ADK: variants seen among roughly 807,000 people sequenced by gnomAD.
ADK encodes adenosine kinase.
A neutral mutation model predicts 44.7 loss-of-function variants in ADK; 24 were observed. The ratio of observed to expected loss-of-function variants is 0.54; its 90% CI spans 0.39 to 0.76. The LOEUF is 0.76. ADK is among the 30% of genes least tolerant of loss of function. The pLI is 0.00. For synonymous variants in ADK, 128 were observed against 142.6 expected (o/e 0.90, Z 0.73); for missense variants, 321 against 425.1 (o/e 0.76, Z 2.15).
At chr10:74,498,320 A>G (rs989976255) in intron 6 of ADK, among the ~76,000 whole-genome samples, 2 of 152,238 alleles carry the variant, frequency 1.3e-5, no homozygotes, top group Non-Finnish European at 2.9e-5. Flanking sequence ...GGTTTCCATG[A>G]TAAATTGTTT....
intron 4 of ADK, among the ~76,000 whole-genome samples, chr10:74,347,454 C>T (rs1025709706): frequency 3.3e-5 from 5 of 152,114 alleles, no homozygotes; most frequent in African/African-American, 1.2e-4. Flanking sequence ...GTGCCTACAC[C>T]ACCAGGGCCT....
At chr10:74,361,080 G>A (rs1262845928) in intron 4 of ADK, among the ~76,000 whole-genome samples, 3 of 152,036 alleles carry the variant, frequency 2.0e-5, no homozygotes, top group East Asian at 3.9e-4. Flanking sequence ...GCTAATTTTT[G>A]TATTTTTAGT....
At chr10:74,425,789 C>G (rs1844774131) in intron 6 of ADK, among the ~76,000 whole-genome samples, 1 of 152,094 alleles carries the variant, frequency 6.6e-6, no homozygotes, top group Non-Finnish European at 1.5e-5. Context: ...TTTGAGTATT[C>G]TGTGTCAACT....
chr10:74,669,121 C>T lies in ADK; in HGVS notation c.878-1062C>T, dbSNP rs535644366. Among the ~76,000 whole-genome samples the T allele has an allele frequency of 3.9e-5, 6 of 152,110 alleles. No homozygotes were observed. The East Asian group carries it at 9.7e-4, about 24-fold the overall frequency. On this transcript the variant is annotated intron_variant, in intron 9 of 10. Coordinates refer to ENST00000539909, the MANE Select transcript of ADK (RefSeq NM_006721.4). ...ATCAGTCATTCCAGGAGAGTATTTT[C>T]ATTAACATATTTATGTCTCTTGTTG...
At chr10:74,568,496 A>C (rs1023130462) in intron 7 of ADK, among the ~76,000 whole-genome samples, 1 of 152,170 alleles carries the variant, frequency 6.6e-6, no homozygotes, top group Non-Finnish European at 1.5e-5. Context: ...AAGTTCTTGG[A>C]TCTTGCACAA....
intron 2 of ADK, among the ~76,000 whole-genome samples, chr10:74,202,475 C>A (rs1843430954): frequency 6.6e-6 from 1 of 152,140 alleles, no homozygotes; most frequent in African/African-American, 2.4e-5. Context: ...CTTGGGTATA[C>A]ACATAGGAGT....
intron 4 of ADK, among the ~76,000 whole-genome samples, chr10:74,344,324 G>T (rs1340523920): frequency 6.6e-6 from 1 of 152,050 alleles, no homozygotes; most frequent in East Asian, 1.9e-4. Flanking sequence ...GAATCTTAAG[G>T]CCTCAACAAA....
At chr10:74,646,454 T>C (rs1374963262) in intron 9 of ADK, among the ~76,000 whole-genome samples, 1 of 152,182 alleles carries the variant, frequency 6.6e-6, no homozygotes, top group Non-Finnish European at 1.5e-5. Flanking sequence ...TTGAGCTGAA[T>C]TAAAACAGGA....
At chr10:74,574,715 A>C (rs1247598863) in intron 7 of ADK, among the ~76,000 whole-genome samples, 1 of 152,246 alleles carries the variant, frequency 6.6e-6, no homozygotes, top group Non-Finnish European at 1.5e-5. Context: ...CAACTGCAGG[A>C]ATGGCACAAA....
At chr10:74,215,936 G>A (rs980597949) in intron 2 of ADK, among the ~76,000 whole-genome samples, 3 of 152,036 alleles carry the variant, frequency 2.0e-5, no homozygotes, top group African/African-American at 4.8e-5. Flanking sequence ...GATTACAGGC[G>A]TGAGCCACCG....
chr10:74,702,424 C>T (rs1856455817), intron 10 of ADK, among the ~76,000 whole-genome samples: 1 of 149,902 alleles, frequency 6.7e-6, no homozygotes, highest in African/African-American at 2.5e-5. Context: ...CCTTGTGATC[C>T]GCCCCCCTCG....
intron 2 of ADK, among the ~76,000 whole-genome samples, chr10:74,215,790 C>G (rs1843990579): frequency 6.6e-6 from 1 of 150,928 alleles, no homozygotes; most frequent in Non-Finnish European, 1.5e-5. Context: ...CTCAGCCTCC[C>G]AAGCAGCTGG....
intron 10 of ADK, among the ~76,000 whole-genome samples, chr10:74,699,983 A>G (rs760241428): frequency 1.3e-5 from 2 of 152,190 alleles, no homozygotes; most frequent in African/African-American, 2.4e-5. Context: ...TAATAAAACT[A>G]TGTATGCATA....
chr10:74,595,176 CAA>C (rs781407492), intron 8 of ADK, among the ~76,000 whole-genome samples: 7 of 29,604 alleles, frequency 2.4e-4, no homozygotes, highest in East Asian at 1.2e-3. Flanking sequence ...AACTCCATCT[CAA>C]AAAAAAAAAA....
intron 6 of ADK, among the ~76,000 whole-genome samples, chr10:74,443,295 G>C (rs552598009): frequency 2.0e-5 from 3 of 152,078 alleles, no homozygotes; most frequent in Admixed American, 2.0e-4. Flanking sequence ...TGTAATTTTT[G>C]TCAGTTATAA....
chr10:74,164,689 A>T (rs1267860334), intron 1 of ADK, among the ~76,000 whole-genome samples: 2 of 152,148 alleles, frequency 1.3e-5, no homozygotes, highest in Non-Finnish European at 2.9e-5. Context: ...TTATACTCGT[A>T]GATTCTTATC....
At chr10:74,218,440 ACT>A (rs1198068378) in intron 2 of ADK, among the ~76,000 whole-genome samples, 1 of 152,214 alleles carries the variant, frequency 6.6e-6, no homozygotes, top group African/African-American at 2.4e-5. Flanking sequence ...GTTGGAAAAC[ACT>A]CTGCAGGATA....
At chr10:74,171,767 C>T (rs962956642) in intron 1 of ADK, among the ~76,000 whole-genome samples, 1 of 151,444 alleles carries the variant, frequency 6.6e-6, no homozygotes, top group East Asian at 2.0e-4. Flanking sequence ...ACTCAGTACT[C>T]TCTCTCTCAG....
chr10:74,259,592 G>A (rs919067888), intron 3 of ADK, among the ~76,000 whole-genome samples: 4 of 151,674 alleles, frequency 2.6e-5, no homozygotes, highest in African/African-American at 9.7e-5. Flanking sequence ...AAGTAGCTGG[G>A]ACTACAGGCA....
Sources: gnomAD v4.1 joint callset for allele counts (sites outside exome capture counted in the v4.1 genomes callset) on GRCh38, gnomAD v4.1.1 for gene constraint, MANE v1.5 for transcripts, NCBI Gene and HGNC (gene_info 2026-07-23, HGNC 2026-07-21) for gene names.